The following GRID1 variants were observed in gnomAD, a reference collection of about 807,000 sequenced individuals.
The protein encoded by GRID1 is glutamate receptor ionotropic, delta-1.
Under a neutral mutation model 98.0 loss-of-function variants are expected in GRID1, and 28 were observed. The observed-to-expected ratio is 0.29, with a 90% CI of 0.21 to 0.39. GRID1 has a LOEUF of 0.39. Among genes scored for constraint, GRID1 ranks in the 10% least tolerant of loss-of-function variants. GRID1 has a pLI of 1.00. For missense variants in GRID1, 1,111 were observed against 1,340.5 expected (o/e 0.83, Z 2.67); for synonymous variants, 553 against 538.5 (o/e 1.03, Z -0.37).
At chr10:85,738,127 G>C (rs1841905196) in intron 8 of GRID1, among the ~76,000 whole-genome samples, 1 of 152,076 alleles carries the variant, frequency 6.6e-6, no homozygotes, top group Non-Finnish European at 1.5e-5. Context: ...CCATCCAAAA[G>C]TTATAGGAAA....
intron 2 of GRID1, among the ~76,000 whole-genome samples, chr10:86,302,381 A>T (rs563225554): frequency 6.6e-6 from 1 of 152,340 alleles, no homozygotes; most frequent in East Asian, 1.9e-4. Flanking sequence ...TTTGTGAATG[A>T]AAACTTCTAA....
intron 4 of GRID1, among the ~76,000 whole-genome samples, chr10:86,122,327 C>A (rs1403333054): frequency 6.6e-6 from 1 of 152,234 alleles, no homozygotes; most frequent in Non-Finnish European, 1.5e-5. Flanking sequence ...ACATGCTGAG[C>A]CAGGGACAAG....
intron 3 of GRID1, among the ~76,000 whole-genome samples, chr10:86,145,289 C>A (rs1318600009): frequency 6.6e-6 from 1 of 152,150 alleles, no homozygotes; most frequent in Non-Finnish European, 1.5e-5. Flanking sequence ...GTGGCATGAT[C>A]TCAGCTCACT....
chr10:85,972,242 C>T (rs763188762), intron 4 of GRID1, among the ~76,000 whole-genome samples: 7 of 151,438 alleles, frequency 4.6e-5, no homozygotes, highest in Non-Finnish European at 7.4e-5. Context: ...CTTTTTCCCC[C>T]GGTACAGCTA....
chr10:85,880,182 C>T (rs1359632976), intron 5 of GRID1, among the ~76,000 whole-genome samples: 1 of 152,180 alleles, frequency 6.6e-6, no homozygotes, highest in Non-Finnish European at 1.5e-5. Flanking sequence ...CAGCCGAATT[C>T]CACCACAGGT....
At chr10:85,724,843 G>C (rs1841744859) in intron 10 of GRID1, among the ~76,000 whole-genome samples, 167 bp from the exon 11 acceptor site, 1 of 152,172 alleles carries the variant, frequency 6.6e-6, no homozygotes, top group Non-Finnish European at 1.5e-5. Context: ...CCAACACTAA[G>C]TTGTCTGTTA....
intron 4 of GRID1, among the ~76,000 whole-genome samples, chr10:86,127,462 C>T (rs967776958): frequency 2.0e-5 from 3 of 152,166 alleles, no homozygotes; most frequent in African/African-American, 7.2e-5. Flanking sequence ...CCAATAACAG[C>T]CCAGATGGGA....
intron 12 of GRID1, among the ~76,000 whole-genome samples, chr10:85,692,045 G>A (rs1045728563): frequency 6.6e-6 from 1 of 152,084 alleles, no homozygotes; most frequent in African/African-American, 2.4e-5. Flanking sequence ...ATCCTTCTTG[G>A]TGGTTTCGTC....
At chr10:85,945,302 T>C (rs977272756) in intron 4 of GRID1, among the ~76,000 whole-genome samples, 4 of 152,226 alleles carry the variant, frequency 2.6e-5, no homozygotes, top group Non-Finnish European at 5.9e-5. Context: ...TAAAAACATA[T>C]ATGCTCCATT....
At chr10:86,077,917 A>G (rs1589363304) in intron 4 of GRID1, among the ~76,000 whole-genome samples, 1 of 152,246 alleles carries the variant, frequency 6.6e-6, no homozygotes. Context: ...CTGGCCTACA[A>G]AGCAAGCCTA....
chr10:85,958,015 G>A (rs970459214), intron 4 of GRID1, among the ~76,000 whole-genome samples: 10 of 152,194 alleles, frequency 6.6e-5, no homozygotes, highest in African/African-American at 2.2e-4. Context: ...CGGGAGATGT[G>A]CCAGCTACTC....
chr10:86,140,403 T>C (rs1844994532), intron 3 of GRID1, among the ~76,000 whole-genome samples: 1 of 152,202 alleles, frequency 6.6e-6, no homozygotes, highest in Admixed American at 6.5e-5. Flanking sequence ...TCCAAAACTC[T>C]CTCTGTACTA....
In GRID1 at chr10:86,121,454, T is replaced by TCATCAC. The variant is rs1455792152; in HGVS notation, c.726+17359_726+17364dup. Among the ~76,000 whole-genome samples, 69 of 115,822 alleles carry TCATCAC rather than the reference T, an allele frequency of 6.0e-4. 1 individual carries two copies. The highest frequency in any genetic ancestry group is 2.1e-3 in the African/African-American group (63 of 29,326). The allele number at this position is 115,822 out of a possible 152,430, so 76.0% of individuals were successfully genotyped here. A position where few individuals can be genotyped will look rare whatever the true frequency, so the allele number is the denominator to read the frequency against. On this transcript the variant is annotated intron_variant, in intron 4 of 15. Coordinates refer to ENST00000327946, the MANE Select transcript of GRID1 (RefSeq NM_017551.3). Reference sequence around the variant, plus strand: ...ATCATCATCATTAACATAATCATCATCATCACCATCACCATCATCATCACT... The same window carrying TCATCAC: ...ATCATCATCATTAACATAATCATCATCATCACCATCACCATCACCATCATCATCACT...
At chr10:85,678,946 C>T (rs552743969) in intron 12 of GRID1, among the ~76,000 whole-genome samples, 17 of 152,348 alleles carry the variant, frequency 1.1e-4, no homozygotes, top group African/African-American at 2.4e-4. Context: ...CCAAGTCCCA[C>T]GCTGCTGCTT....
intron 4 of GRID1, among the ~76,000 whole-genome samples, chr10:86,128,105 CA>C (rs1223777932): frequency 6.6e-6 from 1 of 152,208 alleles, no homozygotes; most frequent in East Asian, 1.9e-4. Context: ...GTGCCACCAG[CA>C]GCCCCAGCCC....
Position 85,932,453 on chromosome 10 carries a change from G to T in GRID1, c.727-16214C>A, listed in dbSNP as rs115921274. On this transcript the variant is annotated intron_variant, in intron 4 of 15. Transcript: ENST00000327946. ...CTGGTCTCGAACTTCTGGACTCAGG[G>T]ATGCTCCTGCCTCAACCTCTCAAAG... Among the ~76,000 whole-genome samples the T allele has an allele frequency of 8.6e-3, 1,303 of 152,202 alleles. 18 individuals are homozygous for T. The highest frequency in any genetic ancestry group is 0.03 in the African/African-American group (1,250 of 41,516).
At chr10:85,966,985 T>C (rs1424722175) in intron 4 of GRID1, among the ~76,000 whole-genome samples, 1 of 152,204 alleles carries the variant, frequency 6.6e-6, no homozygotes, top group African/African-American at 2.4e-5. Context: ...GTGGAGATAA[T>C]TGACTACTGG....
intron 12 of GRID1, among the ~76,000 whole-genome samples, chr10:85,721,926 G>A (rs1318167015): frequency 1.3e-5 from 2 of 152,166 alleles, no homozygotes; most frequent in African/African-American, 4.8e-5. Context: ...CAATACCCTG[G>A]TTTTGATATA....
At chr10:85,634,425 C>T (rs1012352877) in intron 13 of GRID1, among the ~76,000 whole-genome samples, 5 of 152,082 alleles carry the variant, frequency 3.3e-5, no homozygotes, top group African/African-American at 1.2e-4. Flanking sequence ...GTGGAAACCA[C>T]TACTTCTACT....
Sources: allele counts gnomAD v4.1 joint callset (sites outside exome capture counted in the v4.1 genomes callset), GRCh38; gene constraint gnomAD v4.1.1; transcripts MANE v1.5; gene names NCBI Gene and HGNC (gene_info 2026-07-23, HGNC 2026-07-21).